Variants in CAMK2B observed in about 807,000 individuals in gnomAD.
CAMK2B encodes calcium/calmodulin-dependent protein kinase type II subunit beta.
Under a neutral mutation model 93.7 loss-of-function variants are expected in CAMK2B, and 27 were observed. The ratio of observed to expected loss-of-function variants is 0.29; its 90% CI spans 0.21 to 0.40. The LOEUF is 0.40. CAMK2B is among the 10% of genes least tolerant of loss of function. CAMK2B has a pLI of 1.00. For missense variants in CAMK2B, 568 were observed against 895.8 expected (o/e 0.63, Z 4.67); for synonymous variants, 374 against 358.8 (o/e 1.04, Z -0.48).
chr7:44,285,383 A>G (rs2129108895), intron 1 of CAMK2B, among the ~76,000 whole-genome samples: 1 of 152,238 alleles, frequency 6.6e-6, no homozygotes, highest in East Asian at 1.9e-4. Flanking sequence ...GTGGGCACCC[A>G]CCCGTGCAAA....
intron 2 of CAMK2B, among the ~76,000 whole-genome samples, chr7:44,275,881 C>T (rs1249929813): frequency 2.6e-5 from 4 of 152,174 alleles, no homozygotes; most frequent in South Asian, 2.1e-4. Flanking sequence ...GGGACCATCC[C>T]CATCCTGTTG....
chr7:44,277,135 A>G (rs1329392081), intron 2 of CAMK2B, among the ~76,000 whole-genome samples: 2 of 148,408 alleles, frequency 1.3e-5, no homozygotes, highest in South Asian at 2.3e-4. Context: ...ACAGCCGTTC[A>G]TTGTGGACAA....
At chr7:44,229,879 T>G in intron 17 of CAMK2B, 1 of 173,238 alleles carries the variant, frequency 5.8e-6, no homozygotes. Context: ...AGGGGCATGA[T>G]GGCCACTGAG....
chr7:44,247,316 G>A (rs2096741198), intron 5 of CAMK2B, 124 bp from the exon 6 acceptor site: 5 of 787,060 alleles, frequency 6.4e-6, no homozygotes, highest in Non-Finnish European at 1.1e-5. Context: ...AAGTCAAGGT[G>A]AGAGGAGATG....
chr7:44,245,018 A>G (rs1034759080), intron 6 of CAMK2B: 2 of 455,334 alleles, frequency 4.4e-6, no homozygotes, highest in South Asian at 3.1e-5. Flanking sequence ...CCGTGCAGCT[A>G]CATGGAGAAG....
chr7:44,291,575 C>T (rs955684828), intron 1 of CAMK2B, among the ~76,000 whole-genome samples: 3 of 152,222 alleles, frequency 2.0e-5, no homozygotes, highest in Non-Finnish European at 2.9e-5. Flanking sequence ...CTTATCAGCA[C>T]GGGAGTTCCT....
intron 2 of CAMK2B, among the ~76,000 whole-genome samples, chr7:44,263,336 A>G (rs114031710): frequency 0.01 from 1,575 of 152,362 alleles, 26 homozygotes; most frequent in African/African-American, 0.036. Context: ...TCCCTGGATG[A>G]TTCTAAGTCA....
chr7:44,301,338 T>C (rs1292365591), intron 1 of CAMK2B, among the ~76,000 whole-genome samples: 1 of 152,228 alleles, frequency 6.6e-6, no homozygotes, highest in African/African-American at 2.4e-5. Context: ...GATCTTGCTA[T>C]GTTTCCCAGG....
chr7:44,221,884 G>A (rs533082825), intron 20 of CAMK2B, among the ~76,000 whole-genome samples: 6 of 152,294 alleles, frequency 3.9e-5, no homozygotes, highest in Admixed American at 2.0e-4. Flanking sequence ...CACACTCTAC[G>A]GATTCAAATC....
At chr7:44,244,350 G>A (rs2096710599) in intron 6 of CAMK2B, among the ~76,000 whole-genome samples, 1 of 152,152 alleles carries the variant, frequency 6.6e-6, no homozygotes, top group Non-Finnish European at 1.5e-5. Flanking sequence ...GGGTCCCAGG[G>A]CCACTGCATC....
chr7:44,292,266 G>A (rs1411138679), intron 1 of CAMK2B, among the ~76,000 whole-genome samples: 1 of 152,094 alleles, frequency 6.6e-6, no homozygotes, highest in Non-Finnish European at 1.5e-5. Context: ...CGTTTTACAA[G>A]AACGACAGTC....
At chr7:44,275,044 C>T (rs1304644128) in intron 2 of CAMK2B, among the ~76,000 whole-genome samples, 5 of 152,238 alleles carry the variant, frequency 3.3e-5, no homozygotes, top group African/African-American at 1.2e-4. Flanking sequence ...GGAGCCTTTT[C>T]TGCCACTGAC....
intron 11 of CAMK2B, 70 bp downstream of exon 11, chr7:44,241,629 GC>G (rs771282248): frequency 8.9e-6 from 11 of 1,241,192 alleles, no homozygotes; most frequent in Non-Finnish European, 1.2e-5. Flanking sequence ...ACCCCCCAAG[GC>G]CCCCCTGCTC....
chr7:44,231,370 G>A (rs1048956339), intron 16 of CAMK2B, among the ~76,000 whole-genome samples: 7 of 152,182 alleles, frequency 4.6e-5, no homozygotes, highest in South Asian at 4.1e-4. Context: ...CACGGAGTCC[G>A]AGGCCGGCCC....
chr7:44,289,190 C>T (rs929501461), intron 1 of CAMK2B, among the ~76,000 whole-genome samples: 1 of 152,178 alleles, frequency 6.6e-6, no homozygotes, highest in Non-Finnish European at 1.5e-5. Context: ...GTGGCTCCCA[C>T]CAACCCCCAC....
At chr7:44,223,883 G>T (rs2096442950) in intron 20 of CAMK2B, among the ~76,000 whole-genome samples, 1 of 152,186 alleles carries the variant, frequency 6.6e-6, no homozygotes, top group African/African-American at 2.4e-5. Context: ...AGAGACAGCT[G>T]CCCCTCCCAC....
chr7:44,311,389 A>G lies in CAMK2B; in HGVS notation c.65+13968T>C, dbSNP rs547145395. Among the ~76,000 whole-genome samples the G allele has an allele frequency of 8.5e-5, 13 of 152,386 alleles. No homozygotes were observed. The highest frequency in any genetic ancestry group is 3.1e-4 in the African/African-American group (13 of 41,596). ...CCGCACTCAGCCAAAATCTGGTTTT[A>G]AGAAGAACTCCTTTATCACCATGTG... is the stretch of plus-strand genomic sequence containing the variant. On this transcript the variant is annotated intron_variant, in intron 1 of 23. Transcript: ENST00000395749. This position sits in a 1 kb window ranked among gnomAD's most constrained non-coding sequence, Gnocchi z 4.2.
chr7:44,229,741 G>A (rs2096560702), intron 17 of CAMK2B: 4 of 443,732 alleles, frequency 9.0e-6, no homozygotes, highest in Middle Eastern at 1.1e-3. Flanking sequence ...GCCAGCAGAG[G>A]CCAGGGCAGC....
intron 2 of CAMK2B, among the ~76,000 whole-genome samples, chr7:44,278,435 T>C (rs2129080819): frequency 6.6e-6 from 1 of 152,246 alleles, no homozygotes; most frequent in South Asian, 2.1e-4. Flanking sequence ...GACATTCACC[T>C]GGAGGTGCGT....
Sources: gnomAD v4.1 joint callset for allele counts (sites outside exome capture counted in the v4.1 genomes callset) on GRCh38, gnomAD v4.1.1 for gene constraint, Gnocchi (gnomAD v3.1) non-coding constraint, MANE v1.5 for transcripts, NCBI Gene and HGNC (gene_info 2026-07-23, HGNC 2026-07-21) for gene names.